NAAA: variants seen among roughly 807,000 people sequenced by gnomAD.
The protein encoded by NAAA is N-acylethanolamine-hydrolyzing acid amidase.
In NAAA, 39 loss-of-function variants were observed where a neutral mutation model predicts 44.8. That is an observed-to-expected ratio of 0.87 (90% CI 0.67 to 1.14). The LOEUF (loss-of-function observed/expected upper bound fraction) is 1.14. Ranked by LOEUF, NAAA falls within the 50% of genes most tolerant of loss-of-function variation. NAAA has a pLI of 0.00. For missense variants in NAAA, 460 were observed against 467.8 expected (o/e 0.98, Z 0.15); for synonymous variants, 178 against 191.3 (o/e 0.93, Z 0.58).
Position 75,936,139 on chromosome 4 carries a change from T to C in NAAA, c.468A>G (p.Thr156=). Residue 156 remains threonine, a synonymous_variant, in exon 3 of 11, where the codon ACA becomes ACG. Transcript: ENST00000286733. The part of the protein sequence containing the change: ...YPFGNVLRKL[T]VDVQFLKNGQ... ...CATTCTTTAAGAATTGCACATCCAC[T>C]GTCAGCTTGCGTAAGACATTCCCAA... 6 of 1,614,102 alleles carry C rather than the reference T, an allele frequency of 3.7e-6. No individual in the cohort carries two copies. The highest frequency in any genetic ancestry group is 5.1e-6 in the Non-Finnish European group (6 of 1,179,986).
chr4:75,921,334 A>T (rs561540265), intron 5 of NAAA, among the ~76,000 whole-genome samples: 1 of 152,366 alleles, frequency 6.6e-6, no homozygotes, highest in South Asian at 2.1e-4. Context: ...GGAAATTCTG[A>T]CAGGAGGAGA....
chr4:75,917,648 T>G (rs1347037296), intron 9 of NAAA: 1 of 247,462 alleles, frequency 4.0e-6, no homozygotes, highest in Non-Finnish European at 8.1e-6. Flanking sequence ...GTATTTTTAG[T>G]AGAGACGAGG....
In NAAA at chr4:75,940,889, C is replaced by CCAG. The variant is rs770997827; in HGVS notation, c.58_60dup (p.Leu20dup). 110 of 1,546,236 alleles carry CCAG rather than the reference C, an allele frequency of 7.1e-5. No homozygotes were observed. The highest frequency in any genetic ancestry group is 8.0e-5 in the Non-Finnish European group (92 of 1,155,558). On this transcript the variant is annotated inframe_insertion, in exon 1 of 11. Coordinates refer to ENST00000286733, the MANE Select transcript of NAAA (RefSeq NM_014435.4). The stretch of plus-strand genomic sequence containing the variant: ...GAGGCGGCTGACAGCCCGGCCCCGG[C>CCAG]CAGCAGCAGCAGCAGCAGGGACGGA...
intron 2 of NAAA, 64 bp downstream of exon 2, chr4:75,939,937 C>T: frequency 1.3e-6 from 2 of 1,577,710 alleles, no homozygotes; most frequent in South Asian, 2.2e-5. Flanking sequence ...TGTCTCCTCC[C>T]GCTAGTCTGT....
intron 4 of NAAA, among the ~76,000 whole-genome samples, chr4:75,926,055 A>C (rs551933191): frequency 2.2e-5 from 3 of 138,910 alleles, no homozygotes; most frequent in South Asian, 5.1e-4. Context: ...GAACATAGAG[A>C]ACTTGAGTCT....
At chr4:75,937,655 T>C (rs935288238) in intron 2 of NAAA, among the ~76,000 whole-genome samples, 3 of 152,036 alleles carry the variant, frequency 2.0e-5, no homozygotes, top group Non-Finnish European at 4.4e-5. Context: ...CCGGCTAATT[T>C]TGTGGTATTT....
chr4:75,930,581 A>G lies in NAAA; in HGVS notation c.589+633T>C, dbSNP rs1473863556. 7 of 463,510 alleles carry G rather than the reference A, an allele frequency of 1.5e-5. No individual in the cohort carries two copies. The East Asian group carries it at 2.8e-4, about 19-fold the overall frequency. 28.7% of individuals were successfully genotyped at this position (463,510 alleles called of 1,614,324 possible). A position where few individuals can be genotyped will look rare whatever the true frequency, so the allele number is the denominator to read the frequency against. ...CATATATCCCCTAGATTATCACAGT[A>G]GTTTCCAAATGGTCTTCTGCTTCCA... On this transcript the variant is annotated intron_variant, in intron 4 of 10. Transcript: ENST00000286733.
Position 75,913,853 on chromosome 4 carries a change from T to C in NAAA, c.*522A>G, listed in dbSNP as rs1725436385. ...ACATTATAAAAAACGAGACTCCCAT[T>C]ACATGGAAACACATGATCAAAGATC... On this transcript the variant is annotated 3_prime_UTR_variant, in exon 11 of 11. Coordinates refer to ENST00000286733, the MANE Select transcript of NAAA (RefSeq NM_014435.4). 2.0e-6 allele frequency: 2 copies of C among 985,310 alleles called. No homozygotes were observed. The highest frequency in any genetic ancestry group is 2.4e-6 in the Non-Finnish European group (2 of 829,816). The allele number at this position is 985,310 out of a possible 1,614,324, so 61.0% of individuals were successfully genotyped here.
intron 9 of NAAA, 63 bp from the exon 10 acceptor site, chr4:75,915,048 A>G: frequency 8.0e-7 from 1 of 1,250,618 alleles, no homozygotes; most frequent in Non-Finnish European, 1.2e-6. Flanking sequence ...AAAGGGAAGA[A>G]AATGACCAAG....
At chr4:75,915,824 A>G (rs1369360464) in intron 9 of NAAA, among the ~76,000 whole-genome samples, 1 of 152,194 alleles carries the variant, frequency 6.6e-6, no homozygotes, top group Non-Finnish European at 1.5e-5. Flanking sequence ...TTGATTACAC[A>G]TTCCGTATAA....
chr4:75,928,996 G>GT (rs1244642994), intron 4 of NAAA, among the ~76,000 whole-genome samples: 1 of 150,676 alleles, frequency 6.6e-6, no homozygotes, highest in Non-Finnish European at 1.5e-5. Context: ...GTTTCACTGT[G>GT]TTAGCCAGGA....
chr4:75,914,880 G>T lies in NAAA; in HGVS notation c.*24C>A. ...AGTAACAACAAACCTTTCACAGCAC[G>T]GGCGAACTCGCTCTTCTGCTGACTT... On this transcript the variant is annotated 3_prime_UTR_variant, in exon 10 of 11. Transcript: ENST00000286733. 6.2e-7 allele frequency: 1 copy of T among 1,612,810 alleles called. No individual in the cohort carries two copies. Among genetic ancestry groups the T allele is most frequent in the Non-Finnish European group, 8.5e-7 (1 of 1,179,062 alleles).
Position 75,920,975 on chromosome 4 carries a change from CA to C in NAAA, c.814del (p.Trp272GlyfsTer3), listed in dbSNP as rs767373803. The C allele has an allele frequency of 1.2e-6, 2 of 1,613,370 alleles. No individual in the cohort carries two copies. Among genetic ancestry groups the C allele is most frequent in the South Asian group, 2.2e-5 (2 of 90,894 alleles). On this transcript the variant is annotated frameshift_variant, in exon 6 of 11. Coordinates refer to ENST00000286733, the MANE Select transcript of NAAA (RefSeq NM_014435.4). LOFTEE classifies it high-confidence loss of function. ...CGCTCCATTCAAAGGATCTAGAGGC[CA>C]AATGTCTGCTGGGCCATCTCTGTTC... ...TRNRDGPADI[W>X]PLDPLNGAWF...
chr4:75,913,094 A>G (rs561213400), downstream of NAAA, among the ~76,000 whole-genome samples: 1 of 152,290 alleles, frequency 6.6e-6, no homozygotes, highest in East Asian at 1.9e-4. Flanking sequence ...GTTCCCAAAC[A>G]TAGCTGTAAT....
rs761461684 is a variant in NAAA, at chr4:75,940,810, C to A, written c.140G>T (p.Arg47Leu). Residue 47 changes from arginine to leucine, a missense_variant, in exon 1 of 11, where the codon CGC (arginine) becomes CTC (leucine). By Grantham distance (102) the Arg-to-Leu change is moderately radical. Transcript: ENST00000286733. Reference sequence around the variant, plus strand: ...GTAGTGCCGCAGCACGGGCAGCCAGCGCAGCTCGGGGACCGAGTCCAGGCT... The same window carrying A: ...GTAGTGCCGCAGCACGGGCAGCCAGAGCAGCTCGGGGACCGAGTCCAGGCT... Reference protein sequence around the residue: ...NVSLDSVPELRWLPVLRHYDL... With the variant: ...NVSLDSVPELLWLPVLRHYDL... 3 of 1,598,484 alleles carry A rather than the reference C, an allele frequency of 1.9e-6. No individual in the cohort carries two copies. Among genetic ancestry groups the A allele is most frequent in the Admixed American group, 1.7e-5 (1 of 59,828 alleles).
intron 3 of NAAA, among the ~76,000 whole-genome samples, chr4:75,932,843 G>A (rs1016300132): frequency 2.7e-5 from 4 of 149,518 alleles, no homozygotes; most frequent in African/African-American, 9.8e-5. Flanking sequence ...ATTTTTCAAA[G>A]AAGTACTTTG....
intron 2 of NAAA, among the ~76,000 whole-genome samples, chr4:75,936,671 A>C (rs1053081134): frequency 1.3e-5 from 2 of 152,238 alleles, no homozygotes; most frequent in Non-Finnish European, 2.9e-5. Context: ...CAAATAAAGT[A>C]ACACTAAACC....
At chr4:75,911,508 G>T (rs116343277), downstream of NAAA, among the ~76,000 whole-genome samples, 590 of 152,264 alleles carry the variant, frequency 3.9e-3, 3 homozygotes, top group African/African-American at 0.013. Flanking sequence ...GTGAGCTGGG[G>T]GCTAAGGAAG....
intron 4 of NAAA, among the ~76,000 whole-genome samples, chr4:75,927,570 GC>G (rs1356949990): frequency 1.3e-5 from 2 of 149,146 alleles, no homozygotes; most frequent in Admixed American, 1.4e-4. Flanking sequence ...TTTGAGACCA[GC>G]CTGGGTAATA....
Sources: allele counts gnomAD v4.1 joint callset (sites outside exome capture counted in the v4.1 genomes callset), GRCh38; gene constraint gnomAD v4.1.1; transcripts MANE v1.5; gene names NCBI Gene and HGNC (gene_info 2026-07-23, HGNC 2026-07-21).